The following PCDH9 variants were observed in gnomAD, a reference collection of about 807,000 sequenced individuals.
PCDH9 encodes protocadherin 9.
Under a neutral mutation model 70.6 loss-of-function variants are expected in PCDH9, and 24 were observed. The ratio of observed to expected loss-of-function variants is 0.34; its 90% CI spans 0.25 to 0.48. The LOEUF (loss-of-function observed/expected upper bound fraction) is 0.48. PCDH9 is among the 20% of genes least tolerant of loss of function. The pLI is 0.99. For missense variants in PCDH9, 1,281 were observed against 1,503.6 expected, an observed-to-expected ratio of 0.85 and a Z score of 2.45; for synonymous variants, 562 against 558.5, an observed-to-expected ratio of 1.01 and a Z score of -0.09.
intron 3 of PCDH9, among the ~76,000 whole-genome samples, chr13:66,751,158 C>G (rs1288871579): frequency 6.6e-6 from 1 of 152,138 alleles, no homozygotes; most frequent in Admixed American, 6.6e-5. Context: ...TATTTCATAA[C>G]AACATACGTA....
intron 4 of PCDH9, among the ~76,000 whole-genome samples, chr13:66,368,587 G>A (rs1015771235): frequency 2.0e-5 from 3 of 150,744 alleles, no homozygotes; most frequent in East Asian, 3.9e-4. Context: ...ATATATATAT[G>A]TGTGTGTGTG....
chr13:66,528,452 A>C (rs1462934674), intron 4 of PCDH9, among the ~76,000 whole-genome samples: 1 of 152,166 alleles, frequency 6.6e-6, no homozygotes, highest in Non-Finnish European at 1.5e-5. Context: ...CATCTTGCTA[A>C]AATGTGTTTT....
At chr13:66,976,304 A>G (rs893075280) in intron 2 of PCDH9, among the ~76,000 whole-genome samples, 2 of 152,132 alleles carry the variant, frequency 1.3e-5, no homozygotes. Context: ...AGAAATGTAT[A>G]GAAGATATGG....
At chr13:66,448,073 T>C (rs2138420243) in intron 4 of PCDH9, among the ~76,000 whole-genome samples, 1 of 152,238 alleles carries the variant, frequency 6.6e-6, no homozygotes, top group South Asian at 2.1e-4. Context: ...TCCTTTCTTT[T>C]CTCTCTTTAT....
intron 2 of PCDH9, chr13:67,202,681 G>A (rs2089244300): frequency 6.6e-6 from 1 of 152,100 alleles, no homozygotes; most frequent in African/African-American, 2.4e-5. Flanking sequence ...TATTTTTAGT[G>A]AGGGGCATAA....
intron 4 of PCDH9, among the ~76,000 whole-genome samples, chr13:66,536,886 A>T (rs1960727833): frequency 6.6e-6 from 1 of 152,116 alleles, no homozygotes; most frequent in Non-Finnish European, 1.5e-5. Context: ...GAATTAAAAA[A>T]AGTTGCAGAA....
chr13:67,171,880 G>A (rs958691186), intron 2 of PCDH9, among the ~76,000 whole-genome samples: 15 of 152,072 alleles, frequency 9.9e-5, no homozygotes, highest in African/African-American at 2.4e-4. Flanking sequence ...AAATGAGAGC[G>A]GTGTCATTTA....
At chr13:66,597,146 C>T (rs1181547881) in intron 4 of PCDH9, among the ~76,000 whole-genome samples, 1 of 151,702 alleles carries the variant, frequency 6.6e-6, no homozygotes. Context: ...ATCCCATGTT[C>T]ATGGGTTAGA....
intron 2 of PCDH9, among the ~76,000 whole-genome samples, chr13:66,959,650 C>T (rs1011845782): frequency 2.0e-5 from 3 of 150,460 alleles, no homozygotes; most frequent in African/African-American, 7.3e-5. Context: ...ACTCGGGAGG[C>T]TGAAGTAGGA....
At chr13:66,902,085 T>C (rs902325015) in intron 3 of PCDH9, among the ~76,000 whole-genome samples, 2 of 151,620 alleles carry the variant, frequency 1.3e-5, no homozygotes, top group Non-Finnish European at 3.0e-5. Context: ...GGAACAATTG[T>C]ATTATCTTAG....
chr13:66,914,743 A>C (rs1397679382), intron 2 of PCDH9, among the ~76,000 whole-genome samples: 2 of 151,846 alleles, frequency 1.3e-5, no homozygotes, highest in Non-Finnish European at 2.9e-5. Context: ...TACATATAAG[A>C]AATAATTTTG....
chr13:66,707,815 G>T (rs2078731515), intron 3 of PCDH9, among the ~76,000 whole-genome samples: 1 of 152,084 alleles, frequency 6.6e-6, no homozygotes, highest in Non-Finnish European at 1.5e-5. Context: ...ACCAACCAAT[G>T]TAATACTCAA....
chr13:66,637,024 A>C (rs1253156484), intron 3 of PCDH9, among the ~76,000 whole-genome samples: 1 of 152,146 alleles, frequency 6.6e-6, no homozygotes, highest in South Asian at 2.1e-4. Context: ...TATAATATTC[A>C]CTAGAAATAT....
chr13:67,043,438 G>C (rs762075556), intron 2 of PCDH9, among the ~76,000 whole-genome samples: 3 of 152,090 alleles, frequency 2.0e-5, no homozygotes, highest in Non-Finnish European at 4.4e-5. Flanking sequence ...AAGGGGAAGA[G>C]GAAGGAGAAA....
intron 3 of PCDH9, among the ~76,000 whole-genome samples, chr13:66,674,083 G>T (rs951208454): frequency 2.0e-5 from 3 of 151,810 alleles, no homozygotes; most frequent in Admixed American, 6.6e-5. Flanking sequence ...ATAAAGAGGG[G>T]AGTTAACATA....
At chr13:66,773,555 G>A (rs1453730036) in intron 3 of PCDH9, among the ~76,000 whole-genome samples, 10 of 151,428 alleles carry the variant, frequency 6.6e-5, no homozygotes, top group Non-Finnish European at 1.5e-4. Flanking sequence ...GCGTGAACCC[G>A]GGAGGCGGAG....
At chr13:66,563,620 TC>T (rs1441804942) in intron 4 of PCDH9, among the ~76,000 whole-genome samples, 1 of 152,172 alleles carries the variant, frequency 6.6e-6, no homozygotes, top group African/African-American at 2.4e-5. Flanking sequence ...ATGCTGGGTG[TC>T]ACATATTGTG....
chr13:66,379,210 A>T (rs17081210), intron 4 of PCDH9, among the ~76,000 whole-genome samples: 1,638 of 152,298 alleles, frequency 0.011, 32 homozygotes, highest in African/African-American at 0.038. Context: ...CTGTCCTACC[A>T]TGTGTGCTGC....
chr13:66,813,401 A>G (rs1363204132), intron 3 of PCDH9, among the ~76,000 whole-genome samples: 2 of 148,738 alleles, frequency 1.3e-5, no homozygotes, highest in Admixed American at 6.7e-5. Flanking sequence ...ATACTCAAAT[A>G]TTTGTTGAAT....
Sources: gnomAD v4.1 joint callset for allele counts (sites outside exome capture counted in the v4.1 genomes callset) on GRCh38, gnomAD v4.1.1 for gene constraint, MANE v1.5 for transcripts, NCBI Gene and HGNC (gene_info 2026-07-23, HGNC 2026-07-21) for gene names.